Variants in LAMC1 observed in about 807,000 individuals in gnomAD.
LAMC1 encodes laminin subunit gamma 1, also known as laminin subunit gamma-1.
Under a neutral mutation model 173.6 loss-of-function variants are expected in LAMC1, and 38 were observed. That is an observed-to-expected ratio of 0.22 (90% confidence interval 0.17 to 0.29). The LOEUF (loss-of-function observed/expected upper bound fraction) is 0.29. Among genes scored for constraint, LAMC1 ranks in the 10% least tolerant of loss-of-function variants. The probability of loss-of-function intolerance (pLI) is 1.00; values close to 1 mark genes in which losing one functional copy is unlikely to be tolerated. For missense variants in LAMC1, 1,824 were observed against 2,051.8 expected, an observed-to-expected ratio of 0.89 and a Z score of 2.14; for synonymous variants, 746 against 749.1, an observed-to-expected ratio of 1.00 and a Z score of 0.07.
intron 1 of LAMC1, among the ~76,000 whole-genome samples, chr1:183,094,909 C>T (rs972102976): frequency 2.7e-5 from 4 of 147,092 alleles, no homozygotes; most frequent in African/African-American, 7.4e-5. Flanking sequence ...TACAGTAACA[C>T]GATCTCAGCT....
chr1:183,055,142 C>T (rs946657414), intron 1 of LAMC1, among the ~76,000 whole-genome samples: 1 of 151,962 alleles, frequency 6.6e-6, no homozygotes, highest in Non-Finnish European at 1.5e-5. Context: ...GTGCCTGCCA[C>T]CGCGCCTGGC....
intron 1 of LAMC1, among the ~76,000 whole-genome samples, chr1:183,092,074 C>G (rs1286673225): frequency 6.6e-6 from 1 of 152,172 alleles, no homozygotes; most frequent in Non-Finnish European, 1.5e-5. Flanking sequence ...GCAGTCACCC[C>G]TAGACTTGGA....
At chr1:183,071,557 T>TG (rs35870068) in intron 1 of LAMC1, among the ~76,000 whole-genome samples, 77,876 of 151,922 alleles carry the variant, frequency 0.51, 20,390 homozygotes, top group South Asian at 0.64. Context: ...TGTGGTCATT[T>TG]GGGACATCTG....
intron 1 of LAMC1, among the ~76,000 whole-genome samples, chr1:183,070,339 G>A (rs185936178): frequency 1.3e-3 from 196 of 152,312 alleles, no homozygotes; most frequent in South Asian, 3.5e-3. Context: ...ACCAACTAGT[G>A]CTTCTGTTGG....
intron 1 of LAMC1, among the ~76,000 whole-genome samples, chr1:183,060,450 A>G (rs1475781554): frequency 1.3e-5 from 2 of 151,424 alleles, no homozygotes; most frequent in Non-Finnish European, 2.9e-5. Flanking sequence ...TGCATTTGCC[A>G]TCCTTTAAGA....
rs796732672 is a variant in LAMC1 at position 183,079,232 on chromosome 1, G to GTTTTTTTTTTTTT, written c.419-24068_419-24056dup. Among the ~76,000 whole-genome samples, 5 of 62,840 alleles carry GTTTTTTTTTTTTT rather than the reference G, an allele frequency of 8.0e-5. 1 individual carries two copies. The highest frequency in any genetic ancestry group is 1.1e-4 in the African/African-American group (2 of 18,152). 41.2% of individuals were successfully genotyped at this position (62,840 alleles called of 152,430 possible). A position where few individuals can be genotyped will look rare whatever the true frequency, so the allele number is the denominator to read the frequency against. ...AAGCAACTTTCTGATCTCTAATCTG[G>GTTTTTTTTTTTTT]TTTTTTTTTTTTTTTTTTTTTTTTT... On this transcript the variant is annotated intron_variant, in intron 1 of 27. Coordinates refer to ENST00000258341, the MANE Select transcript of LAMC1 (RefSeq NM_002293.4).
Position 183,023,959 on chromosome 1 carries a change from G to A in LAMC1, c.243G>A (p.Gly81=). Residue 81 remains glycine, a synonymous_variant, in exon 1 of 28, where the codon GGG becomes GGA. Coordinates refer to ENST00000258341, the MANE Select transcript of LAMC1 (RefSeq NM_002293.4). ...TPPEEYCVQT[G]VTGVTKSCHL... ...CCGAGGAATACTGTGTGCAGACCGG[G>A]GTGACCGGGGTCACCAAGTCCTGTC... The A allele has an allele frequency of 2.5e-6, 4 of 1,613,248 alleles. No individual in the cohort carries two copies. Among genetic ancestry groups the A allele is most frequent in the Non-Finnish European group, 1.7e-6 (2 of 1,179,950 alleles).
At chr1:183,058,869 T>C (rs1447397780) in intron 1 of LAMC1, among the ~76,000 whole-genome samples, 1 of 152,194 alleles carries the variant, frequency 6.6e-6, no homozygotes, top group Non-Finnish European at 1.5e-5. Flanking sequence ...CATGTTTACA[T>C]GTATTTTAAA....
At position 183,144,887 on chromosome 1, in the gene LAMC1, A is replaced by G. The variant is rs566181549; in HGVS notation, c.*2097A>G. ...CACTTCCTGTTTCCATCTGCTTGGG[A>G]TATACCAGAGTTTACCACAAGTGTT... On this transcript the variant is annotated 3_prime_UTR_variant, in exon 28 of 28. Transcript: ENST00000258341. 3 of 152,286 alleles carry G rather than the reference A, an allele frequency of 2.0e-5. No individual in the cohort carries two copies. Among genetic ancestry groups the G allele is most frequent in the African/African-American group, 7.2e-5 (3 of 41,538 alleles). 9.4% of individuals were successfully genotyped at this position (152,286 alleles called of 1,614,324 possible). A position where few individuals can be genotyped will look rare whatever the true frequency, so the allele number is the denominator to read the frequency against.
intron 1 of LAMC1, among the ~76,000 whole-genome samples, chr1:183,041,454 A>G (rs1215692469): frequency 2.6e-5 from 4 of 152,190 alleles, no homozygotes; most frequent in South Asian, 4.1e-4. Flanking sequence ...CCTCCAGAGC[A>G]CTTGCCTTTA....
chr1:183,143,908 C>T lies in LAMC1; in HGVS notation c.*1118C>T, dbSNP rs772888560. 1 of 152,170 alleles carries T rather than the reference C, an allele frequency of 6.6e-6. No individual in the cohort carries two copies. Among genetic ancestry groups the T allele is most frequent in the Non-Finnish European group, 1.5e-5 (1 of 68,046 alleles). The allele number at this position is 152,170 out of a possible 1,614,324, so 9.4% of individuals were successfully genotyped here. A position where few individuals can be genotyped will look rare whatever the true frequency, so the allele number is the denominator to read the frequency against. On this transcript the variant is annotated 3_prime_UTR_variant, in exon 28 of 28. Transcript: ENST00000258341. ...CTGATGTTTCCATCTTCCAGAATCC[C>T]TCAAAAAACATTGTTTGCCAAATCC...
chr1:183,105,070 G>T (rs1198023189), intron 2 of LAMC1, among the ~76,000 whole-genome samples: 1 of 132,282 alleles, frequency 7.6e-6, no homozygotes. Context: ...AAAAAAAAAA[G>T]TTAGTTAAGC....
intron 24 of LAMC1, among the ~76,000 whole-genome samples, chr1:183,135,485 A>G (rs1336996478): frequency 6.6e-6 from 1 of 151,896 alleles, no homozygotes; most frequent in Non-Finnish European, 1.5e-5. Context: ...TCTTCACCCC[A>G]GATAGAAGAG....
chr1:183,079,280 A>C (rs1294673828), intron 1 of LAMC1, among the ~76,000 whole-genome samples: 21 of 91,590 alleles, frequency 2.3e-4, no homozygotes, highest in African/African-American at 8.8e-4. Context: ...TTTGAGATGG[A>C]GTCTCACTCT....
chr1:183,045,529 A>T (rs967571058), intron 1 of LAMC1, among the ~76,000 whole-genome samples: 4 of 151,980 alleles, frequency 2.6e-5, no homozygotes, highest in Non-Finnish European at 5.9e-5. Flanking sequence ...TAGTTCATTC[A>T]TTTGCATTCC....
chr1:183,060,949 A>G (rs1206281419), intron 1 of LAMC1, among the ~76,000 whole-genome samples: 1 of 152,198 alleles, frequency 6.6e-6, no homozygotes, highest in East Asian at 1.9e-4. Flanking sequence ...GAAGCTGACC[A>G]ATTGAGATGT....
Position 183,114,545 on chromosome 1 carries a change from G to T in LAMC1, c.1036G>T (p.Gly346Cys). ...TTGACTGACAGCCTGTGATTGCAAT[G>T]GTCGATCCCAGGAATGCTACTTCGA... is the stretch of plus-strand genomic sequence containing the variant. Reference protein sequence around the residue: ...ASECLPCDCNGRSQECYFDPE... With the variant: ...ASECLPCDCNCRSQECYFDPE... The change falls in exon 5 of 28, where the codon GGT (glycine) becomes TGT (cysteine). Residue 346 changes from glycine to cysteine, a missense_variant. Gly to Cys is a radical substitution (Grantham distance 159). Coordinates refer to ENST00000258341, the MANE Select transcript of LAMC1 (RefSeq NM_002293.4). 5 of 1,614,160 alleles carry T rather than the reference G, an allele frequency of 3.1e-6. No homozygotes were observed. The highest frequency in any genetic ancestry group is 3.4e-6 in the Non-Finnish European group (4 of 1,180,032).
chr1:183,042,057 G>C (rs1264971532), intron 1 of LAMC1, among the ~76,000 whole-genome samples: 1 of 152,164 alleles, frequency 6.6e-6, no homozygotes, highest in Non-Finnish European at 1.5e-5. Context: ...CTGTATCAAA[G>C]AGCCCCAGTA....
chr1:183,047,549 G>A (rs1220079990), intron 1 of LAMC1, among the ~76,000 whole-genome samples: 1 of 152,196 alleles, frequency 6.6e-6, no homozygotes, highest in Non-Finnish European at 1.5e-5. Flanking sequence ...AGTGTTGAAT[G>A]TATGGGACCT....
Sources: gnomAD v4.1 joint callset for allele counts (sites outside exome capture counted in the v4.1 genomes callset) on GRCh38, gnomAD v4.1.1 for gene constraint, MANE v1.5 for transcripts, NCBI Gene and HGNC (gene_info 2026-07-23, HGNC 2026-07-21) for gene names.